ATG5: variants seen among roughly 807,000 people sequenced by gnomAD.
ATG5 encodes autophagy related 5.
Under a neutral mutation model 36.5 loss-of-function variants are expected in ATG5, and 14 were observed. The observed-to-expected ratio is 0.38, with a 90% CI of 0.25 to 0.60. The LOEUF (loss-of-function observed/expected upper bound fraction) is 0.60, where lower values mean the gene tolerates loss of function less well. Ranked by LOEUF, ATG5 falls within the 20% of genes least tolerant of loss-of-function variation. ATG5 has a pLI of 0.60. For synonymous variants in ATG5, 95 were observed against 101.5 expected (o/e 0.94, Z 0.38); for missense variants, 195 against 326.7 (o/e 0.60, Z 3.11).
At chr6:106,201,790 TGTTA>T (rs1776441171) in intron 7 of ATG5, 178 bp downstream of exon 7, 1 of 373,688 alleles carries the variant, frequency 2.7e-6, no homozygotes, top group Non-Finnish European at 4.7e-6. Context: ...GTCATCATTT[TGTTA>T]GTCAATAATT....
intron 6 of ATG5, among the ~76,000 whole-genome samples, chr6:106,229,923 T>C (rs187532082): frequency 1.8e-4 from 27 of 152,228 alleles, no homozygotes; most frequent in Non-Finnish European, 3.4e-4. Context: ...CTCAAAAATA[T>C]TAAAGTATGG....
At chr6:106,198,009 C>A (rs1318710084) in intron 7 of ATG5, among the ~76,000 whole-genome samples, 1 of 152,130 alleles carries the variant, frequency 6.6e-6, no homozygotes, top group African/African-American at 2.4e-5. Flanking sequence ...AAACGATTAA[C>A]CTCTTCATTA....
At chr6:106,203,390 T>C (rs929563987) in intron 6 of ATG5, among the ~76,000 whole-genome samples, 7 of 152,184 alleles carry the variant, frequency 4.6e-5, no homozygotes, top group Admixed American at 2.0e-4. Flanking sequence ...ATCTGTTAAT[T>C]TGGGACATTC....
intron 7 of ATG5, among the ~76,000 whole-genome samples, chr6:106,192,842 A>C (rs1195775024): frequency 6.6e-6 from 1 of 152,208 alleles, no homozygotes; most frequent in Non-Finnish European, 1.5e-5. Context: ...GTTCTGTCTG[A>C]CAAATTCTTT....
intron 4 of ATG5, among the ~76,000 whole-genome samples, chr6:106,284,542 A>G (rs904966299): frequency 2.0e-5 from 3 of 150,232 alleles, no homozygotes; most frequent in Non-Finnish European, 4.4e-5. Flanking sequence ...TTTAGTAGAG[A>G]TGAGTTCTCG....
In ATG5 at chr6:106,323,260, CTTT is replaced by C. The variant is rs71274321; in HGVS notation, c.-59+2263_-59+2265del. On this transcript the variant is annotated intron_variant, in intron 1 of 7. Coordinates refer to ENST00000369076, the MANE Select transcript of ATG5 (RefSeq NM_004849.4). Reference sequence around the variant, plus strand: ...TTCCGTTTCGCTAAGTGGAAAAGTCCTTTTTTTTTTTTTTTTTTTTTTTTTTAA... The same window carrying C: ...TTCCGTTTCGCTAAGTGGAAAAGTCCTTTTTTTTTTTTTTTTTTTTTTTAA... Among the ~76,000 whole-genome samples, 13 of 64,228 alleles carry C rather than the reference CTTT, an allele frequency of 2.0e-4. No homozygotes were observed. The South Asian group carries it at 6.1e-3, about 30-fold the overall frequency. 42.1% of individuals were successfully genotyped at this position (64,228 alleles called of 152,430 possible). A position where few individuals can be genotyped will look rare whatever the true frequency, so the allele number is the denominator to read the frequency against.
chr6:106,191,100 GACC>G (rs1468489158), intron 7 of ATG5, among the ~76,000 whole-genome samples: 2 of 152,110 alleles, frequency 1.3e-5, no homozygotes, highest in Admixed American at 1.3e-4. Flanking sequence ...AAATCTAGCT[GACC>G]ATTAGAATCA....
chr6:106,230,507 A>G (rs573992943), intron 6 of ATG5, among the ~76,000 whole-genome samples: 2 of 152,284 alleles, frequency 1.3e-5, no homozygotes, highest in Admixed American at 1.3e-4. Context: ...GGGCTGCTAC[A>G]TCAGTGAGCA....
chr6:106,202,118 G>T (rs762972695), intron 6 of ATG5, 29 bp from the exon 7 acceptor site: 1 of 1,570,224 alleles, frequency 6.4e-7, no homozygotes, highest in East Asian at 2.2e-5. Context: ...AATGATTCAA[G>T]CAATTAAGTC....
chr6:106,276,291 C>T (rs1435265344), intron 5 of ATG5, among the ~76,000 whole-genome samples: 2 of 151,914 alleles, frequency 1.3e-5, no homozygotes, highest in African/African-American at 2.4e-5. Context: ...GGTGAAACCC[C>T]GTCTCTACTA....
intron 1 of ATG5, among the ~76,000 whole-genome samples, chr6:106,320,020 C>T (rs1771002185): frequency 1.3e-5 from 2 of 152,242 alleles, no homozygotes; most frequent in Admixed American, 6.5e-5. Context: ...CATTACCTCA[C>T]ATGTGATACA....
chr6:106,289,733 G>A (rs1351309405), intron 4 of ATG5, among the ~76,000 whole-genome samples: 3 of 151,984 alleles, frequency 2.0e-5, no homozygotes, highest in Non-Finnish European at 4.4e-5. Flanking sequence ...CACTAAAATT[G>A]TATTTCCACA....
intron 4 of ATG5, among the ~76,000 whole-genome samples, chr6:106,287,078 T>C (rs1034169630): frequency 6.6e-6 from 1 of 152,200 alleles, no homozygotes; most frequent in Non-Finnish European, 1.5e-5. Context: ...ATACTATTGA[T>C]AGATACTATA....
At chr6:106,200,673 G>C (rs1023467214) in intron 7 of ATG5, among the ~76,000 whole-genome samples, 1 of 151,954 alleles carries the variant, frequency 6.6e-6, no homozygotes, top group African/African-American at 2.4e-5. Context: ...GTAGAGACAG[G>C]GTTTCACCAT....
chr6:106,241,254 TAAAC>T (rs1280611463), intron 6 of ATG5, among the ~76,000 whole-genome samples: 2 of 152,204 alleles, frequency 1.3e-5, no homozygotes, highest in Non-Finnish European at 2.9e-5. Flanking sequence ...TCAAGGATGA[TAAAC>T]AAGCACATGA....
intron 1 of ATG5, among the ~76,000 whole-genome samples, chr6:106,317,598 T>C (rs1199900022): frequency 6.6e-6 from 1 of 152,218 alleles, no homozygotes; most frequent in African/African-American, 2.4e-5. Context: ...CAGTGCTCTT[T>C]CCAGCATACT....
At chr6:106,244,282 G>C (rs572271191) in intron 6 of ATG5, among the ~76,000 whole-genome samples, 1 of 152,204 alleles carries the variant, frequency 6.6e-6, no homozygotes, top group African/African-American at 2.4e-5. Flanking sequence ...CAAAGTAGAT[G>C]ACTGAATGAT....
intron 6 of ATG5, among the ~76,000 whole-genome samples, chr6:106,240,957 A>AGCCTG (rs2114492776): frequency 6.6e-6 from 1 of 152,232 alleles, no homozygotes; most frequent in East Asian, 1.9e-4. Context: ...GTTCGAGACC[A>AGCCTG]GCCTGGCCAA....
intron 6 of ATG5, among the ~76,000 whole-genome samples, chr6:106,239,240 C>G (rs531132595): frequency 6.7e-6 from 1 of 149,712 alleles, no homozygotes; most frequent in Non-Finnish European, 1.5e-5. Flanking sequence ...GAAATGGAAA[C>G]AAAATAAAGA....
Sources: gnomAD v4.1 joint callset for allele counts (sites outside exome capture counted in the v4.1 genomes callset) on GRCh38, gnomAD v4.1.1 for gene constraint, MANE v1.5 for transcripts, NCBI Gene and HGNC (gene_info 2026-07-23, HGNC 2026-07-21) for gene names.